PUS7: variants seen among roughly 807,000 people sequenced by gnomAD.
PUS7 encodes pseudouridine synthase 7.
In PUS7, 48 loss-of-function variants were observed where a neutral mutation model predicts 79.8. That is an observed-to-expected ratio of 0.60 (90% confidence interval 0.48 to 0.76). The LOEUF (loss-of-function observed/expected upper bound fraction) is 0.76. Ranked by LOEUF, PUS7 falls within the 30% of genes least tolerant of loss-of-function variation. The pLI, the probability that PUS7 is intolerant of heterozygous loss-of-function variation, is 0.00. For missense variants in PUS7, 729 were observed against 797.6 expected, an observed-to-expected ratio of 0.91 and a Z score of 1.04; for synonymous variants, 286 against 272.2, an observed-to-expected ratio of 1.05 and a Z score of -0.50.
chr7:105,492,651 G>A (rs1390010341), intron 6 of PUS7, among the ~76,000 whole-genome samples: 4 of 150,200 alleles, frequency 2.7e-5, no homozygotes, highest in Admixed American at 2.6e-4. Context: ...GACTACAGGC[G>A]CCCGCCACTA....
At position 105,515,826 on chromosome 7, in the gene PUS7, T is replaced by TA. The variant is rs1825874529; in HGVS notation, c.-33+6225_-33+6226insT. Among the ~76,000 whole-genome samples the TA allele has an allele frequency of 3.3e-5, 5 of 150,842 alleles. 1 individual carries two copies. In the South Asian group the frequency reaches 8.4e-4, roughly 25 times the overall value. Reference sequence around the variant, plus strand: ...TTATTTATTTATTTATTTATTTATTTTGAGACAGAGTCTCACTCTGTTGCC... The same window carrying TA: ...TTATTTATTTATTTATTTATTTATTTATGAGACAGAGTCTCACTCTGTTGCC... On this transcript the variant is annotated intron_variant, in intron 1 of 15. Transcript: ENST00000469408.
intron 7 of PUS7, among the ~76,000 whole-genome samples, chr7:105,489,733 A>G (rs1824706231): frequency 6.6e-6 from 1 of 152,214 alleles, no homozygotes; most frequent in Non-Finnish European, 1.5e-5. Flanking sequence ...GGGAATCAGA[A>G]AAGTAGTGGG....
At chr7:105,471,008 T>C (rs1297592528) in intron 10 of PUS7, among the ~76,000 whole-genome samples, 160 bp from the exon 11 acceptor site, 1 of 152,190 alleles carries the variant, frequency 6.6e-6, no homozygotes. Flanking sequence ...AGATGGGAAA[T>C]GTAGAAAGTT....
In PUS7 at chr7:105,500,474, G is replaced by A. The variant is rs181985412; in HGVS notation, c.730+1946C>T. Among the ~76,000 whole-genome samples the A allele has an allele frequency of 5.2e-3, 791 of 152,212 alleles. 5 individuals carry two copies. Among genetic ancestry groups the A allele is most frequent in the Middle Eastern group, 0.017 (5 of 294 alleles). On this transcript the variant is annotated intron_variant, in intron 5 of 15. Coordinates refer to ENST00000469408, the MANE Select transcript of PUS7 (RefSeq NM_019042.5). The stretch of plus-strand genomic sequence containing the variant: ...CACAAAACCCGGCATCCTAAGAAAT[G>A]ATTATCACTTCCAAGAAGCCACCAG...
Position 105,457,190 on chromosome 7 carries a change from A to C in PUS7, c.*600T>G, listed in dbSNP as rs1007274156. 6.6e-6 allele frequency: 1 copy of C among 152,232 alleles called. No individual in the cohort carries two copies. The highest frequency in any genetic ancestry group is 1.5e-5 in the Non-Finnish European group (1 of 68,048). The allele number at this position is 152,232 out of a possible 1,614,324, so 9.4% of individuals were successfully genotyped here. On this transcript the variant is annotated 3_prime_UTR_variant, in exon 16 of 16. Transcript: ENST00000469408. ...GGGCCTATCAATGCAACGTTCCTGC[A>C]AGGCATTGATAATATAAATGCAAAA...
chr7:105,518,006 T>C (rs910699912), intron 1 of PUS7, among the ~76,000 whole-genome samples: 2 of 152,052 alleles, frequency 1.3e-5, no homozygotes, highest in African/African-American at 4.8e-5. Context: ...AAATTAGCCA[T>C]GCATGGTGGT....
At chr7:105,490,060 AG>A (rs1824718795) in intron 7 of PUS7, among the ~76,000 whole-genome samples, 1 of 151,774 alleles carries the variant, frequency 6.6e-6, no homozygotes, top group Non-Finnish European at 1.5e-5. Context: ...TGGAAGTTGC[AG>A]TAAGCCAAGA....
At chr7:105,508,995 A>G (rs1825593470) in intron 1 of PUS7, among the ~76,000 whole-genome samples, 1 of 149,776 alleles carries the variant, frequency 6.7e-6, no homozygotes, top group African/African-American at 2.5e-5. Flanking sequence ...CCTGGCCAAC[A>G]TGGTGAAACC....
intron 1 of PUS7, among the ~76,000 whole-genome samples, chr7:105,515,605 G>GT (rs968607867): frequency 6.6e-6 from 1 of 151,912 alleles, no homozygotes; most frequent in African/African-American, 2.4e-5. Context: ...ATTTTTCATT[G>GT]TTTAAGTCAA....
chr7:105,461,363 G>C (rs1449256053), intron 14 of PUS7, among the ~76,000 whole-genome samples: 1 of 152,054 alleles, frequency 6.6e-6, no homozygotes, highest in Non-Finnish European at 1.5e-5. Flanking sequence ...TCCCATAACT[G>C]TTTATATTCA....
intron 13 of PUS7, among the ~76,000 whole-genome samples, chr7:105,463,189 T>A (rs956484219): frequency 6.6e-6 from 1 of 152,206 alleles, no homozygotes; most frequent in Non-Finnish European, 1.5e-5. Context: ...GCGCACCTGA[T>A]GTAGAGTCTT....
chr7:105,488,447 G>A (rs925522195), intron 7 of PUS7, among the ~76,000 whole-genome samples: 4 of 151,952 alleles, frequency 2.6e-5, no homozygotes, highest in Admixed American at 6.6e-5. Flanking sequence ...ACCAGCAGAT[G>A]GAAAGAAAAA....
intron 11 of PUS7, among the ~76,000 whole-genome samples, chr7:105,469,954 G>A (rs1025641990): frequency 1.3e-5 from 2 of 152,218 alleles, no homozygotes; most frequent in Non-Finnish European, 2.9e-5. Context: ...GTCCTGGGCT[G>A]CATGTGGCCC....
intron 6 of PUS7, among the ~76,000 whole-genome samples, chr7:105,494,095 G>C (rs952410238): frequency 1.3e-5 from 2 of 152,096 alleles, no homozygotes; most frequent in East Asian, 1.9e-4. Flanking sequence ...AAATCAGACC[G>C]GTCTCAGGTT....
At position 105,460,506 on chromosome 7, in the gene PUS7, C is replaced by T. The variant is rs79488285; in HGVS notation, c.1758-1247G>A. Among the ~76,000 whole-genome samples the T allele has an allele frequency of 4.7e-3, 717 of 152,122 alleles. 16 individuals carry two copies. In the East Asian group the frequency reaches 0.06, roughly 13 times the overall value. ...ATTTCCTGGAAATAGGCAACTAGTT[C>T]AGGATTTCATTTTAAAATTATCAAA... On this transcript the variant is annotated intron_variant, in intron 14 of 15. Transcript: ENST00000469408.
chr7:105,508,544 C>G lies in PUS7; in HGVS notation c.-32G>C. 1 of 1,591,598 alleles carries G rather than the reference C, an allele frequency of 6.3e-7. No individual in the cohort carries two copies. The highest frequency in any genetic ancestry group is 8.5e-7 in the Non-Finnish European group (1 of 1,170,044). ...GGCTCCAAGAAAACATTTAAGAAAA[C>G]CTGTTAGGAAAGAGTAGAAAGTAAC... On this transcript the variant is annotated splice_region_variant and 5_prime_UTR_variant, in exon 2 of 16. Transcript: ENST00000469408.
chr7:105,513,964 G>C (rs576477030), intron 1 of PUS7, among the ~76,000 whole-genome samples: 2 of 139,908 alleles, frequency 1.4e-5, no homozygotes, highest in African/African-American at 5.1e-5. Context: ...TGTAATCCCA[G>C]CACTTTGGGA....
chr7:105,458,788 C>T (rs1339416428), intron 15 of PUS7, among the ~76,000 whole-genome samples: 2 of 151,728 alleles, frequency 1.3e-5, no homozygotes, highest in Non-Finnish European at 2.9e-5. Flanking sequence ...GTCTCGATCT[C>T]CTGACCTCGT....
At chr7:105,497,543 T>C (rs183061066) in intron 5 of PUS7, among the ~76,000 whole-genome samples, 133 of 152,300 alleles carry the variant, frequency 8.7e-4, no homozygotes, top group African/African-American at 3.2e-3. Context: ...TATCAATGAG[T>C]GCAATGTTCT....
Sources: gnomAD v4.1 joint callset for allele counts (sites outside exome capture counted in the v4.1 genomes callset) on GRCh38, gnomAD v4.1.1 for gene constraint, MANE v1.5 for transcripts, NCBI Gene and HGNC (gene_info 2026-07-23, HGNC 2026-07-21) for gene names.